WWC2: variants seen among roughly 807,000 people sequenced by gnomAD.
The protein encoded by WWC2 is protein WWC2.
Under a neutral mutation model 138.5 loss-of-function variants are expected in WWC2, and 101 were observed. That is an observed-to-expected ratio of 0.73 (90% CI 0.62 to 0.86). The LOEUF is 0.86. Ranked by LOEUF, WWC2 falls within the 40% of genes least tolerant of loss-of-function variation. WWC2 has a pLI of 0.00. For missense variants in WWC2, 1,420 were observed against 1,419.4 expected (o/e 1.00, Z -0.01); for synonymous variants, 558 against 538.4 (o/e 1.04, Z -0.50).
rs747588153 is a variant in WWC2 at position 183,253,919 on chromosome 4, A to T, written c.1116A>T (p.Glu372Asp). Residue 372 changes from glutamate to aspartate, a missense_variant, in exon 9 of 23, where the codon GAA (glutamate) becomes GAT (aspartate). Transcript: ENST00000403733. Reference sequence around the variant, plus strand: ...AGAAACGTACCCAAGATGAATTAGAACGCCTAGAAGCTGAAAGGCAGCGGC... The same window carrying T: ...AGAAACGTACCCAAGATGAATTAGATCGCCTAGAAGCTGAAAGGCAGCGGC... ...TPQKRTQDEL[E>D]RLEAERQRLE... 2 of 1,613,854 alleles carry T rather than the reference A, an allele frequency of 1.2e-6. No homozygotes were observed. Among genetic ancestry groups the T allele is most frequent in the South Asian group, 2.2e-5 (2 of 91,032 alleles).
rs1307600111 is a variant in WWC2, at chr4:183,265,722, G to A, written c.2074G>A (p.Glu692Lys). The change falls in exon 13 of 23, where the codon GAG (glutamate) becomes AAG (lysine). Residue 692 changes from glutamate to lysine, a missense_variant. By Grantham distance (56) the Glu-to-Lys change is moderately conservative. Coordinates refer to ENST00000403733, the MANE Select transcript of WWC2 (RefSeq NM_024949.6). ...SEMEDVTYSE[E>K]DVAIVETAQV... ...AATGGAAGATGTCACATACAGTGAAGAGGATGTAGCCATTGTAGAGACCGC... is the reference window on the plus strand; with the variant it reads ...AATGGAAGATGTCACATACAGTGAAAAGGATGTAGCCATTGTAGAGACCGC... 1 of 1,612,056 alleles carries A rather than the reference G, an allele frequency of 6.2e-7. No homozygotes were observed. Among genetic ancestry groups the A allele is most frequent in the African/African-American group, 1.3e-5 (1 of 75,030 alleles).
chr4:183,281,476 A>G (rs1478316406), intron 17 of WWC2: 1 of 152,442 alleles, frequency 6.6e-6, no homozygotes, highest in Non-Finnish European at 1.5e-5. Flanking sequence ...TGTTTCTCTT[A>G]AAACAAATTT....
intron 21 of WWC2, among the ~76,000 whole-genome samples, chr4:183,290,112 A>C (rs904777657): frequency 4.6e-5 from 7 of 152,150 alleles, no homozygotes; most frequent in Non-Finnish European, 1.0e-4. Context: ...CTAAATTTTC[A>C]CTTTCATTCT....
chr4:183,113,078 G>T (rs1009754208), intron 1 of WWC2, among the ~76,000 whole-genome samples: 1 of 152,076 alleles, frequency 6.6e-6, no homozygotes, highest in Non-Finnish European at 1.5e-5. Flanking sequence ...TTCGAGACCA[G>T]CCTAGCCAAC....
At chr4:183,192,086 T>C (rs1302575638) in intron 1 of WWC2, among the ~76,000 whole-genome samples, 1 of 152,212 alleles carries the variant, frequency 6.6e-6, no homozygotes. Context: ...AACTATATTC[T>C]AAGAACCACA....
At chr4:183,140,222 A>C (rs1733260155) in intron 1 of WWC2, among the ~76,000 whole-genome samples, 2 of 152,246 alleles carry the variant, frequency 1.3e-5, no homozygotes, top group African/African-American at 4.8e-5. Context: ...AGAACTGTTC[A>C]GGAATGTACA....
intron 22 of WWC2, among the ~76,000 whole-genome samples, chr4:183,315,075 A>G (rs1289975530): frequency 6.6e-6 from 1 of 152,188 alleles, no homozygotes; most frequent in African/African-American, 2.4e-5. Context: ...AGGGAAATAG[A>G]CGCACTGTTT....
chr4:183,102,839 G>A (rs1256129118), intron 1 of WWC2, among the ~76,000 whole-genome samples: 1 of 150,094 alleles, frequency 6.7e-6, no homozygotes, highest in Non-Finnish European at 1.5e-5. Flanking sequence ...TTTATGGTAG[G>A]CCATAGGTCT....
chr4:183,170,876 C>T (rs560258258), intron 1 of WWC2, among the ~76,000 whole-genome samples: 1 of 149,958 alleles, frequency 6.7e-6, no homozygotes, highest in African/African-American at 2.5e-5. Flanking sequence ...TAGAGAGTCT[C>T]GCTATATTTC....
intron 21 of WWC2, among the ~76,000 whole-genome samples, chr4:183,296,013 A>T (rs775415904): frequency 3.9e-5 from 6 of 152,210 alleles, no homozygotes; most frequent in Admixed American, 2.0e-4. Flanking sequence ...TTCATCTCCT[A>T]ATTGTCAGCA....
intron 1 of WWC2, among the ~76,000 whole-genome samples, chr4:183,155,843 C>A (rs1421986753): frequency 1.3e-5 from 2 of 152,098 alleles, no homozygotes; most frequent in African/African-American, 4.8e-5. Context: ...ATAGTAGTAC[C>A]TTTTTCCGGT....
intron 6 of WWC2, among the ~76,000 whole-genome samples, chr4:183,247,587 ATATATATGC>A (rs1307193659): frequency 1.0e-4 from 14 of 138,578 alleles, no homozygotes; most frequent in South Asian, 4.3e-4. Flanking sequence ...ACTATATACT[ATATATATGC>A]TATATATGCT....
intron 1 of WWC2, among the ~76,000 whole-genome samples, chr4:183,109,667 G>T (rs1480875296): frequency 6.6e-6 from 1 of 152,162 alleles, no homozygotes; most frequent in African/African-American, 2.4e-5. Flanking sequence ...ATGCTTGCTC[G>T]CACCACACAC....
At chr4:183,311,297 G>A (rs1739208194) in intron 21 of WWC2, among the ~76,000 whole-genome samples, 1 of 152,142 alleles carries the variant, frequency 6.6e-6, no homozygotes, top group Admixed American at 6.5e-5. Flanking sequence ...GTCATACAGT[G>A]GAATACTATA....
At chr4:183,227,669 TG>T (rs1236698190) in intron 4 of WWC2, among the ~76,000 whole-genome samples, 1 of 152,008 alleles carries the variant, frequency 6.6e-6, no homozygotes, top group Non-Finnish European at 1.5e-5. Flanking sequence ...TCAAAGCTGG[TG>T]GGGAATTATT....
chr4:183,269,218 G>A, intron 15 of WWC2, 55 bp downstream of exon 15: 1 of 1,546,428 alleles, frequency 6.5e-7, no homozygotes, highest in Admixed American at 1.9e-5. Context: ...GGTGGTCTGA[G>A]GATATACTTT....
chr4:183,210,849 T>C (rs1186293402), intron 4 of WWC2, among the ~76,000 whole-genome samples: 1 of 152,150 alleles, frequency 6.6e-6, no homozygotes, highest in African/African-American at 2.4e-5. Flanking sequence ...TCTAAACTTA[T>C]CCAATGGTAG....
chr4:183,149,798 G>A (rs375662891), intron 1 of WWC2, among the ~76,000 whole-genome samples: 1 of 151,720 alleles, frequency 6.6e-6, no homozygotes, highest in East Asian at 1.9e-4. Flanking sequence ...AGCACACAGT[G>A]TCTGAGATGT....
rs376629427 is a variant in WWC2, at chr4:183,114,828, GTTTA to G, written c.131+15214_131+15217del. On this transcript the variant is annotated intron_variant, in intron 1 of 22. Transcript: ENST00000403733. ...GTAGGTTGTTTGTTTGTTTGTTTTT[GTTTA>G]TTTATTTTTGAGCCAGTCTCATTCT... Among the ~76,000 whole-genome samples, 80 of 152,066 alleles carry G rather than the reference GTTTA, an allele frequency of 5.3e-4. No homozygotes were observed. In the East Asian group the frequency reaches 9.5e-3, roughly 18 times the overall value.
Sources: gnomAD v4.1 joint callset for allele counts (sites outside exome capture counted in the v4.1 genomes callset) on GRCh38, gnomAD v4.1.1 for gene constraint, MANE v1.5 for transcripts, NCBI Gene and HGNC (gene_info 2026-07-23, HGNC 2026-07-21) for gene names.